Variants in PTPRD observed in about 807,000 individuals in gnomAD.
PTPRD encodes the protein protein tyrosine phosphatase receptor type D.
Under a neutral mutation model 214.5 loss-of-function variants are expected in PTPRD, and 34 were observed. The ratio of observed to expected loss-of-function variants is 0.16; its 90% CI spans 0.12 to 0.21. The LOEUF is 0.21. Among genes scored for constraint, PTPRD ranks in the 10% least tolerant of loss-of-function variants. PTPRD has a pLI of 1.00. For synonymous variants in PTPRD, 1,128 were observed against 845.7 expected, an observed-to-expected ratio of 1.33 and a Z score of -5.79; for missense variants, 2,545 against 2,398.7, an observed-to-expected ratio of 1.06 and a Z score of -1.27.
At chr9:10,464,251 A>G (rs564040352) in intron 2 of PTPRD, among the ~76,000 whole-genome samples, 12 of 152,190 alleles carry the variant, frequency 7.9e-5, no homozygotes, top group Admixed American at 2.0e-4. Context: ...AAAATTTTAA[A>G]TGCAAAAATA....
intron 3 of PTPRD, among the ~76,000 whole-genome samples, chr9:10,257,360 C>T (rs544593677): frequency 6.6e-6 from 1 of 152,202 alleles, no homozygotes; most frequent in South Asian, 2.1e-4. Flanking sequence ...AGAGGAGGTA[C>T]TGGTAGAGAA....
chr9:9,662,011 T>C (rs2096631038), intron 7 of PTPRD, among the ~76,000 whole-genome samples: 1 of 151,770 alleles, frequency 6.6e-6, no homozygotes, highest in Admixed American at 6.6e-5. Context: ...CAAACACATG[T>C]ATGATATATA....
intron 10 of PTPRD, among the ~76,000 whole-genome samples, chr9:9,109,136 T>C (rs889354046): frequency 6.6e-6 from 1 of 152,150 alleles, no homozygotes; most frequent in Non-Finnish European, 1.5e-5. Flanking sequence ...CAACAGTACC[T>C]CCATATTTAT....
chr9:9,002,782 T>G (rs1056499388), intron 11 of PTPRD, among the ~76,000 whole-genome samples: 8 of 152,060 alleles, frequency 5.3e-5, no homozygotes, highest in Non-Finnish European at 1.0e-4. Flanking sequence ...AAGTTGTTCT[T>G]GCTTGACCAG....
chr9:8,771,039 G>A (rs1182572933), intron 11 of PTPRD, among the ~76,000 whole-genome samples: 2 of 151,906 alleles, frequency 1.3e-5, no homozygotes, highest in Non-Finnish European at 2.9e-5. Flanking sequence ...AAATTAGCCG[G>A]GCGTGGTGGC....
At chr9:10,457,622 A>G (rs574713187) in intron 2 of PTPRD, among the ~76,000 whole-genome samples, 17 of 152,042 alleles carry the variant, frequency 1.1e-4, no homozygotes, top group Non-Finnish European at 2.1e-4. Context: ...TTACTGGATC[A>G]AAGAGACAGT....
chr9:9,794,490 G>T (rs10977980), intron 5 of PTPRD, among the ~76,000 whole-genome samples: 1 of 149,726 alleles, frequency 6.7e-6, no homozygotes, highest in Admixed American at 6.6e-5. Context: ...AGCAGAGAAG[G>T]CATGGGGGGT....
At chr9:8,334,018 ACCC>A (rs1554710845) in intron 43 of PTPRD, among the ~76,000 whole-genome samples, 1 of 152,222 alleles carries the variant, frequency 6.6e-6, no homozygotes, top group Non-Finnish European at 1.5e-5. Context: ...ATACAGGAGC[ACCC>A]AGATTCATAA....
At chr9:9,739,495 A>G (rs781414698) in intron 6 of PTPRD, among the ~76,000 whole-genome samples, 4 of 152,122 alleles carry the variant, frequency 2.6e-5, no homozygotes, top group Middle Eastern at 3.2e-3. Context: ...TTAGAAAAGT[A>G]ATTTCTAACA....
At chr9:9,491,600 C>T (rs932924789) in intron 8 of PTPRD, among the ~76,000 whole-genome samples, 2 of 151,830 alleles carry the variant, frequency 1.3e-5, no homozygotes, top group African/African-American at 4.8e-5. Flanking sequence ...ATCTTCAAAC[C>T]ACAACAGGAT....
intron 11 of PTPRD, among the ~76,000 whole-genome samples, chr9:8,961,888 C>G (rs1000368775): frequency 5.3e-5 from 8 of 152,022 alleles, no homozygotes; most frequent in African/African-American, 1.9e-4. Context: ...CATGAAAACC[C>G]CACTTCCAAA....
At chr9:9,750,170 T>C (rs1414971015) in intron 6 of PTPRD, among the ~76,000 whole-genome samples, 1 of 152,188 alleles carries the variant, frequency 6.6e-6, no homozygotes, top group Non-Finnish European at 1.5e-5. Flanking sequence ...CTAGCGCATA[T>C]CCTAAATGCA....
intron 39 of PTPRD, among the ~76,000 whole-genome samples, chr9:8,345,774 T>C (rs751793649): frequency 1.3e-5 from 2 of 152,136 alleles, no homozygotes; most frequent in African/African-American, 2.4e-5. Flanking sequence ...TTCAGAAATC[T>C]ACTGGCATCC....
chr9:9,666,029 A>T (rs1459202213), intron 7 of PTPRD, among the ~76,000 whole-genome samples: 2 of 151,924 alleles, frequency 1.3e-5, no homozygotes, highest in East Asian at 3.9e-4. Context: ...CAAAAATAAA[A>T]TGTTGTCATC....
At chr9:10,186,180 T>A (rs2099329378) in intron 3 of PTPRD, among the ~76,000 whole-genome samples, 1 of 152,042 alleles carries the variant, frequency 6.6e-6, no homozygotes, top group Non-Finnish European at 1.5e-5. Flanking sequence ...ACGTTTTTGA[T>A]TGGAACTTGG....
At chr9:9,320,468 G>A (rs762141810) in intron 9 of PTPRD, among the ~76,000 whole-genome samples, 2 of 152,152 alleles carry the variant, frequency 1.3e-5, no homozygotes, top group Non-Finnish European at 1.5e-5. Context: ...GAAGAAAGCA[G>A]GAGAGAAAAC....
At chr9:8,323,163 A>C (rs1250516474) in intron 44 of PTPRD, among the ~76,000 whole-genome samples, 1 of 152,078 alleles carries the variant, frequency 6.6e-6, no homozygotes, top group Non-Finnish European at 1.5e-5. Context: ...TTTTAAGGCC[A>C]CTCTTGAGAC....
At chr9:8,572,363 G>C (rs1341703659) in intron 14 of PTPRD, among the ~76,000 whole-genome samples, 1 of 151,980 alleles carries the variant, frequency 6.6e-6, no homozygotes, top group African/African-American at 2.4e-5. Flanking sequence ...CCAGGTTTAT[G>C]ATCCAAAGAT....
intron 10 of PTPRD, among the ~76,000 whole-genome samples, chr9:9,061,791 A>G (rs753086959): frequency 2.0e-5 from 3 of 152,310 alleles, no homozygotes; most frequent in East Asian, 1.9e-4. Context: ...GCCTCTGTGT[A>G]CATTTCTCTC....
Sources: gnomAD v4.1 joint callset for allele counts (sites outside exome capture counted in the v4.1 genomes callset) on GRCh38, gnomAD v4.1.1 for gene constraint, MANE v1.5 for transcripts, NCBI Gene and HGNC (gene_info 2026-07-23, HGNC 2026-07-21) for gene names.